Variants in CCDC85A observed in about 807,000 individuals in gnomAD.
CCDC85A encodes coiled-coil domain containing 85A.
In CCDC85A, 38 loss-of-function variants were observed where a neutral mutation model predicts 50.2. The ratio of observed to expected loss-of-function variants is 0.76; its 90% confidence interval spans 0.58 to 0.99. The LOEUF is 0.99. Ranked by LOEUF, CCDC85A falls within the 50% of genes least tolerant of loss-of-function variation. CCDC85A has a pLI of 0.00. For synonymous variants in CCDC85A, 366 were observed against 301.4 expected (o/e 1.21, Z -2.22); for missense variants, 820 against 742.0 (o/e 1.11, Z -1.22).
chr2:56,327,580 A>T (rs929955068), intron 2 of CCDC85A, among the ~76,000 whole-genome samples: 8 of 152,194 alleles, frequency 5.3e-5, no homozygotes, highest in African/African-American at 1.9e-4. Context: ...TTAAGCTGTG[A>T]CAAATGATAT....
intron 2 of CCDC85A, among the ~76,000 whole-genome samples, chr2:56,270,472 T>C (rs961622381): frequency 1.3e-5 from 2 of 152,202 alleles, no homozygotes; most frequent in African/African-American, 4.8e-5. Context: ...CATTTTCATT[T>C]AAACACCCTG....
At chr2:56,349,991 C>G (rs188337189) in intron 3 of CCDC85A, among the ~76,000 whole-genome samples, 1 of 149,384 alleles carries the variant, frequency 6.7e-6, no homozygotes, top group African/African-American at 2.5e-5. Context: ...AGAAGCAATA[C>G]TAAGGAATAT....
intron 1 of CCDC85A, among the ~76,000 whole-genome samples, chr2:56,190,450 T>C (rs1031080014): frequency 5.9e-5 from 9 of 152,216 alleles, no homozygotes; most frequent in African/African-American, 2.2e-4. Flanking sequence ...GTCTCTGTTC[T>C]TGTGACTCTA....
chr2:56,272,257 AG>A (rs1400902836), intron 2 of CCDC85A, among the ~76,000 whole-genome samples: 24 of 152,120 alleles, frequency 1.6e-4, no homozygotes, highest in Non-Finnish European at 4.4e-5. Flanking sequence ...AAGCAGAAAG[AG>A]GAGTGGTAAC....
Position 56,281,672 on chromosome 2 carries a change from A to G in CCDC85A, c.1241-61207A>G, listed in dbSNP as rs545261951. On this transcript the variant is annotated intron_variant, in intron 2 of 5. Coordinates refer to ENST00000407595, the MANE Select transcript of CCDC85A (RefSeq NM_001080433.2). Reference sequence around the variant, plus strand: ...TTTGTTTGCATTTCTCTGATGAATAATGAAGTTGCATATCAGCCATTTGTG... The same window carrying G: ...TTTGTTTGCATTTCTCTGATGAATAGTGAAGTTGCATATCAGCCATTTGTG... 2.6e-3 allele frequency among the ~76,000 whole-genome samples: 394 copies of G among 152,294 alleles called. 2 individuals carry two copies. Among genetic ancestry groups the G allele is most frequent in the African/African-American group, 9.3e-3 (385 of 41,566 alleles).
At chr2:56,296,224 C>CT (rs1162202500) in intron 2 of CCDC85A, among the ~76,000 whole-genome samples, 1 of 152,050 alleles carries the variant, frequency 6.6e-6, no homozygotes, top group African/African-American at 2.4e-5. Context: ...CCTGGGTACC[C>CT]TTTTTTGCTA....
chr2:56,217,838 A>G (rs550498914), intron 2 of CCDC85A, among the ~76,000 whole-genome samples: 2 of 151,970 alleles, frequency 1.3e-5, no homozygotes, highest in Admixed American at 1.3e-4. Context: ...TCAAATATAC[A>G]TCTCTGAATG....
chr2:56,374,198 A>G (rs1676220281), intron 4 of CCDC85A, among the ~76,000 whole-genome samples: 1 of 152,146 alleles, frequency 6.6e-6, no homozygotes, highest in African/African-American at 2.4e-5. Context: ...CGTACATGCC[A>G]TATTCTACTG....
rs762473404 is a variant in CCDC85A at position 56,352,252 on chromosome 2, A to G, written c.1317+9297A>G. 6.6e-5 allele frequency among the ~76,000 whole-genome samples: 10 copies of G among 152,358 alleles called. No individual in the cohort carries two copies. The East Asian group carries it at 1.2e-3, about 18-fold the overall frequency. On this transcript the variant is annotated intron_variant, in intron 3 of 5. Transcript: ENST00000407595. ...TATGCAATATCTATATTGCCTAAAT[A>G]TAAACATAATATAGATCCGAAATGT...
At chr2:56,266,440 C>A (rs1670443805) in intron 2 of CCDC85A, among the ~76,000 whole-genome samples, 1 of 152,136 alleles carries the variant, frequency 6.6e-6, no homozygotes, top group Middle Eastern at 3.4e-3. Context: ...ACAGTGGATT[C>A]TCAGGACAAA....
chr2:56,205,083 C>T (rs1676907467), intron 2 of CCDC85A, among the ~76,000 whole-genome samples: 1 of 152,104 alleles, frequency 6.6e-6, no homozygotes, highest in South Asian at 2.1e-4. Context: ...CATAGTTCTC[C>T]ACGTTGCTTA....
At chr2:56,246,931 C>A (rs1669537695) in intron 2 of CCDC85A, among the ~76,000 whole-genome samples, 1 of 152,124 alleles carries the variant, frequency 6.6e-6, no homozygotes, top group Non-Finnish European at 1.5e-5. Context: ...ACAGTTCATT[C>A]CAATCATCCT....
chr2:56,240,134 A>C (rs1273220490), intron 2 of CCDC85A, among the ~76,000 whole-genome samples: 4 of 152,158 alleles, frequency 2.6e-5, no homozygotes, highest in African/African-American at 9.7e-5. Flanking sequence ...TCATCATCCC[A>C]AAAAGAGACA....
At chr2:56,225,445 A>G (rs1668503646) in intron 2 of CCDC85A, among the ~76,000 whole-genome samples, 1 of 152,116 alleles carries the variant, frequency 6.6e-6, no homozygotes, top group Non-Finnish European at 1.5e-5. Flanking sequence ...ATTATTAACC[A>G]TAAATGTCGG....
chr2:56,309,598 A>G (rs1308726532), intron 2 of CCDC85A, among the ~76,000 whole-genome samples: 1 of 152,216 alleles, frequency 6.6e-6, no homozygotes, highest in Non-Finnish European at 1.5e-5. Flanking sequence ...GAACTAGGAC[A>G]GATAAGTAAA....
intron 2 of CCDC85A, among the ~76,000 whole-genome samples, chr2:56,287,227 T>C (rs2104127188): frequency 6.6e-6 from 1 of 152,308 alleles, no homozygotes; most frequent in African/African-American, 2.4e-5. Flanking sequence ...CAAGCTAACT[T>C]CTAAGTGCCC....
At chr2:56,350,785 C>T (rs1674885406) in intron 3 of CCDC85A, among the ~76,000 whole-genome samples, 1 of 147,666 alleles carries the variant, frequency 6.8e-6, no homozygotes, top group Non-Finnish European at 1.5e-5. Context: ...ATGGACATAG[C>T]ATAATTTATT....
intron 2 of CCDC85A, among the ~76,000 whole-genome samples, chr2:56,195,418 C>T (rs571125677): frequency 1.9e-4 from 29 of 152,306 alleles, no homozygotes; most frequent in African/African-American, 6.7e-4. Flanking sequence ...AAGTTCAAAT[C>T]TTATGTCTAC....
intron 4 of CCDC85A, among the ~76,000 whole-genome samples, chr2:56,373,492 A>G (rs914177906): frequency 6.6e-6 from 1 of 152,126 alleles, no homozygotes; most frequent in Admixed American, 6.6e-5. Flanking sequence ...GTTTACATTG[A>G]TTTTTAGAAG....
Sources: gnomAD v4.1 joint callset for allele counts (sites outside exome capture counted in the v4.1 genomes callset) on GRCh38, gnomAD v4.1.1 for gene constraint, MANE v1.5 for transcripts, NCBI Gene and HGNC (gene_info 2026-07-23, HGNC 2026-07-21) for gene names.